Variants in MMP9 observed in about 807,000 individuals in gnomAD.
MMP9 encodes matrix metallopeptidase 9, also known as matrix metalloproteinase-9.
A neutral mutation model predicts 76.4 loss-of-function variants in MMP9; 73 were observed. The observed-to-expected ratio is 0.96, with a 90% CI of 0.79 to 1.16. The LOEUF (loss-of-function observed/expected upper bound fraction) is 1.16, where lower values mean the gene tolerates loss of function less well. Ranked by LOEUF, MMP9 falls within the 50% of genes most tolerant of loss-of-function variation. MMP9 has a pLI of 0.00. For missense variants in MMP9, 943 were observed against 973.0 expected, an observed-to-expected ratio of 0.97 and a Z score of 0.41; for synonymous variants, 412 against 408.4, an observed-to-expected ratio of 1.01 and a Z score of -0.11.
chr20:46,011,677 C>CT lies in MMP9; in HGVS notation c.927_928insT (p.Gly310TrpfsTer25). ...CCTGCACCACGGACGGTCGCTCCGACGGCTACCGCTGGTGCGCCACCACCG... is the reference window on the plus strand; with the variant it reads ...CCTGCACCACGGACGGTCGCTCCGACTGGCTACCGCTGGTGCGCCACCACCG... On this transcript the variant is annotated frameshift_variant, in exon 6 of 13. Transcript: ENST00000372330. LOFTEE classifies it high-confidence loss of function. 2 of 1,614,080 alleles carry CT rather than the reference C, an allele frequency of 1.2e-6. No individual in the cohort carries two copies. The highest frequency in any genetic ancestry group is 4.5e-5 in the East Asian group (2 of 44,874).
In MMP9 at chr20:46,010,088, A is replaced by C; in HGVS notation, c.361A>C (p.Ile121Leu). 1 of 1,547,346 alleles carries C rather than the reference A, an allele frequency of 6.5e-7. No individual in the cohort carries two copies. The highest frequency in any genetic ancestry group is 1.4e-5 in the African/African-American group (1 of 72,928). ...CGACCTCAAGTGGCACCACCACAACATCACCTATTGGTGAGCCGGGGCCGT... is the reference window on the plus strand; with the variant it reads ...CGACCTCAAGTGGCACCACCACAACCTCACCTATTGGTGAGCCGGGGCCGT... Reference protein sequence around the residue: ...EGDLKWHHHNITYWIQNYSED... With the variant: ...EGDLKWHHHNLTYWIQNYSED... Residue 121 changes from isoleucine to leucine, a missense_variant, in exon 2 of 13, where the codon ATC becomes CTC. Physicochemically the swap from Ile to Leu is conservative, Grantham distance 5. Coordinates refer to ENST00000372330, the MANE Select transcript of MMP9 (RefSeq NM_004994.3).
At position 46,014,122 on chromosome 20, in the gene MMP9, A is replaced by C; in HGVS notation, c.1751-2A>C. The C allele has an allele frequency of 6.5e-7, 1 of 1,535,076 alleles. No homozygotes were observed. Among genetic ancestry groups the C allele is most frequent in the Non-Finnish European group, 8.7e-7 (1 of 1,146,624 alleles). On this transcript the variant is annotated splice_acceptor_variant, in intron 10 of 12. Transcript: ENST00000372330. LOFTEE classifies it high-confidence loss of function. Reference sequence around the variant, plus strand: ...AACCGACGTGACCCTCCTCCCCTGCAGGGCGCCAGGTGTGGGTGTACACAG... The same window carrying C: ...AACCGACGTGACCCTCCTCCCCTGCCGGGCGCCAGGTGTGGGTGTACACAG...
intron 6 of MMP9, 73 bp from the exon 7 acceptor site, chr20:46,012,064 C>G: frequency 6.3e-7 from 1 of 1,577,002 alleles, no homozygotes; most frequent in Non-Finnish European, 8.6e-7. Flanking sequence ...TTGTTTAGCT[C>G]CCTGTCGGGT....
Position 46,009,964 on chromosome 20 carries a change from C to T in MMP9, c.237C>T (p.Ser79=), listed in dbSNP as rs2084264566. The change falls in exon 2 of 13, where the codon TCC becomes TCT. Residue 79 remains serine, a synonymous_variant. Coordinates refer to ENST00000372330, the MANE Select transcript of MMP9 (RefSeq NM_004994.3). ...TGCTGCTTCTCCAGAAGCAACTGTCCCTGCCCGAGACCGGTGAGCTGGATA... is the reference window on the plus strand; with the variant it reads ...TGCTGCTTCTCCAGAAGCAACTGTCTCTGCCCGAGACCGGTGAGCTGGATA... The part of the protein sequence containing the change: ...PALLLLQKQL[S]LPETGELDSA... The T allele has an allele frequency of 3.2e-6, 5 of 1,551,832 alleles. No individual in the cohort carries two copies. Among genetic ancestry groups the T allele is most frequent in the Non-Finnish European group, 2.6e-6 (3 of 1,147,092 alleles).
chr20:46,012,534 G>A lies in MMP9; in HGVS notation c.1282G>A (p.Gly428Arg), dbSNP rs773252323. ...GTACCCTATGTACCGCTTCACTGAGGGGCCCCCCTTGCATAAGGACGACGT... is the reference window on the plus strand; with the variant it reads ...GTACCCTATGTACCGCTTCACTGAGAGGCCCCCCTTGCATAAGGACGACGT... ...LMYPMYRFTE[G>R]PPLHKDDVNG... The change falls in exon 8 of 13, where the codon GGG (glycine) becomes AGG (arginine). Residue 428 changes from glycine (G) to arginine (R), a missense_variant. Transcript: ENST00000372330. 2.5e-6 allele frequency: 4 copies of A among 1,614,124 alleles called. No homozygotes were observed. Among genetic ancestry groups the A allele is most frequent in the Non-Finnish European group, 3.4e-6 (4 of 1,180,032 alleles).
chr20:46,014,527 T>A (rs2084307668), intron 12 of MMP9, 53 bp downstream of exon 12: 1 of 1,496,438 alleles, frequency 6.7e-7, no homozygotes, highest in East Asian at 2.5e-5. Context: ...CTCCTCTTAG[T>A]GAGTGGTCAA....
chr20:46,012,683 C>T, intron 8 of MMP9, 101 bp downstream of exon 8: 3 of 1,519,990 alleles, frequency 2.0e-6, no homozygotes, highest in South Asian at 1.2e-5. Flanking sequence ...ACGGGGCGTG[C>T]AGGAGAGGTG....
chr20:46,010,132 C>CGGGGGGGGCCGGGGGGGGGGGG, intron 2 of MMP9, 34 bp downstream of exon 2: 3 of 850,778 alleles, frequency 3.5e-6, no homozygotes, highest in Non-Finnish European at 5.5e-6. Context: ...CGGGGTGGGG[C>CGGGGGGGGCCGGGGGGGGGGGG]GGGGAGGCCA....
intron 6 of MMP9, among the ~76,000 whole-genome samples, 191 bp downstream of exon 6, chr20:46,011,938 G>A (rs558615811): frequency 6.6e-6 from 1 of 152,342 alleles, no homozygotes; most frequent in African/African-American, 2.4e-5. Context: ...CAGCCACTAA[G>A]GTTCGGCCTT....
intron 8 of MMP9, 120 bp downstream of exon 8, chr20:46,012,702 A>G: frequency 2.1e-6 from 3 of 1,429,836 alleles, no homozygotes; most frequent in Non-Finnish European, 2.9e-6. Context: ...TGGGACCTCA[A>G]CGTCTGTCTG....
chr20:46,010,338 A>AAAAAAAAC (rs1568846677), intron 2 of MMP9, 145 bp from the exon 3 acceptor site: 1 of 584,018 alleles, frequency 1.7e-6, no homozygotes, highest in African/African-American at 2.4e-5. Context: ...AAAAAAAAAA[A>AAAAAAAAC]AAACAGTCTG....
Position 46,013,886 on chromosome 20 carries a change from T to G in MMP9, c.1750+90T>G. ...CATCGATAACCCACGAAACGTCTTG[T>G]GCGTTTTAGAAAAATACGCCCCCTG... On this transcript the variant is annotated intron_variant, in intron 10 of 12. Coordinates refer to ENST00000372330, the MANE Select transcript of MMP9 (RefSeq NM_004994.3). The surrounding 1 kb of genome is among the most constrained non-coding windows in gnomAD (Gnocchi z 4.5). The G allele has an allele frequency of 5.1e-6, 8 of 1,563,530 alleles. No individual in the cohort carries two copies. The highest frequency in any genetic ancestry group is 7.0e-6 in the Non-Finnish European group (8 of 1,148,430).
intron 2 of MMP9, 56 bp from the exon 3 acceptor site, chr20:46,010,427 C>A: frequency 6.3e-7 from 1 of 1,597,498 alleles, no homozygotes; most frequent in Non-Finnish European, 8.6e-7. Context: ...GGTGTCCCTG[C>A]TGCCCCGCTC....
At chr20:46,016,204 T>C in intron 12 of MMP9, 46 bp from the exon 13 acceptor site, 1 of 1,498,488 alleles carries the variant, frequency 6.7e-7, no homozygotes, top group African/African-American at 1.4e-5. Flanking sequence ...TCTGTATATG[T>C]GGGAGAATTA....
chr20:46,011,398 T>C, intron 5 of MMP9, 82 bp downstream of exon 5: 1 of 1,570,666 alleles, frequency 6.4e-7, no homozygotes, highest in Non-Finnish European at 8.7e-7. Flanking sequence ...CTGCCACTAG[T>C]GCTGTGTGGC....
chr20:46,013,864 C>T lies in MMP9; in HGVS notation c.1750+68C>T, dbSNP rs2084302073. 3 of 1,595,558 alleles carry T rather than the reference C, an allele frequency of 1.9e-6. No individual in the cohort carries two copies. Among genetic ancestry groups the T allele is most frequent in the Admixed American group, 1.7e-5 (1 of 58,616 alleles). On this transcript the variant is annotated intron_variant, in intron 10 of 12. Coordinates refer to ENST00000372330, the MANE Select transcript of MMP9 (RefSeq NM_004994.3). The surrounding 1 kb of genome is among the most constrained non-coding windows in gnomAD (Gnocchi z 4.5). ...CAGTCAAGGAGGCTCAAGAGACCAT[C>T]GATAACCCACGAAACGTCTTGTGCG...
Position 46,014,167 on chromosome 20 carries a change from G to A in MMP9, c.1794G>A (p.Pro598=). ...ACACAGGCGCGTCGGTGCTGGGCCC[G>A]AGGCGTCTGGACAAGCTGGGCCTGG... ...WVYTGASVLG[P]RRLDKLGLGA... Residue 598 remains proline, a synonymous_variant, in exon 11 of 13, where the codon CCG becomes CCA. Transcript: ENST00000372330. The A allele has an allele frequency of 1.3e-6, 2 of 1,538,206 alleles. 1 individual carries two copies. Among genetic ancestry groups the A allele is most frequent in the South Asian group, 2.4e-5 (2 of 83,964 alleles).
At position 46,013,328 on chromosome 20, in the gene MMP9, C is replaced by T. The variant is rs763688228; in HGVS notation, c.1404C>T (p.Cys468=). ...TPQPTAPPTV[C]PTGPPTVHPS... ...AGCCCACGGCTCCCCCGACGGTCTGCCCCACCGGACCCCCCACTGTCCACC... is the reference window on the plus strand; with the variant it reads ...AGCCCACGGCTCCCCCGACGGTCTGTCCCACCGGACCCCCCACTGTCCACC... The change falls in exon 9 of 13, where the codon TGC becomes TGT. Residue 468 remains cysteine, a synonymous_variant. Coordinates refer to ENST00000372330, the MANE Select transcript of MMP9 (RefSeq NM_004994.3). The surrounding 1 kb of genome is among the most constrained non-coding windows in gnomAD (Gnocchi z 4.5). 1.5e-5 allele frequency: 25 copies of T among 1,613,544 alleles called. No individual in the cohort carries two copies. The highest frequency in any genetic ancestry group is 3.3e-5 in the South Asian group (3 of 91,060).
intron 2 of MMP9, 61 bp from the exon 3 acceptor site, chr20:46,010,422 C>T (rs886591083): frequency 1.8e-5 from 28 of 1,594,494 alleles, no homozygotes; most frequent in Non-Finnish European, 2.3e-5. Flanking sequence ...TATGGGGTGT[C>T]CCTGCTGCCC....
Sources: gnomAD v4.1 joint callset for allele counts (sites outside exome capture counted in the v4.1 genomes callset) on GRCh38, gnomAD v4.1.1 for gene constraint, Gnocchi (gnomAD v3.1) non-coding constraint, MANE v1.5 for transcripts, NCBI Gene and HGNC (gene_info 2026-07-23, HGNC 2026-07-21) for gene names.